The following MSRA variants were observed in gnomAD, a reference collection of about 807,000 sequenced individuals.
MSRA encodes methionine sulfoxide reductase A.
In MSRA, 54 loss-of-function variants were observed where a neutral mutation model predicts 31.3. The ratio of observed to expected loss-of-function variants is 1.73; its 90% CI spans 1.39 to 2.17. The LOEUF (loss-of-function observed/expected upper bound fraction) is 2.17. Ranked by LOEUF, MSRA falls within the 30% of genes most tolerant of loss-of-function variation. The pLI is 0.00. For synonymous variants in MSRA, 169 were observed against 116.5 expected (o/e 1.45, Z -2.90); for missense variants, 507 against 300.9 (o/e 1.69, Z -5.07).
At chr8:10,395,176 C>T (rs1262262823) in intron 5 of MSRA, among the ~76,000 whole-genome samples, 3 of 152,126 alleles carry the variant, frequency 2.0e-5, no homozygotes, top group African/African-American at 7.2e-5. Flanking sequence ...GAAGACTTTG[C>T]AGAGCATGGT....
chr8:10,343,901 A>G (rs913655948), intron 5 of MSRA, among the ~76,000 whole-genome samples: 1 of 152,196 alleles, frequency 6.6e-6, no homozygotes, highest in Non-Finnish European at 1.5e-5. Flanking sequence ...GTTCAGACAT[A>G]TGTGGGTATC....
intron 3 of MSRA, among the ~76,000 whole-genome samples, chr8:10,245,505 A>C (rs549681703): frequency 6.6e-5 from 10 of 152,378 alleles, no homozygotes; most frequent in African/African-American, 2.4e-4. Context: ...GATGATCAGC[A>C]GTTGAGGCTG....
chr8:10,395,986 G>T (rs1052443658), intron 5 of MSRA, among the ~76,000 whole-genome samples: 1 of 152,144 alleles, frequency 6.6e-6, no homozygotes, highest in Middle Eastern at 3.2e-3. Flanking sequence ...GCAGTCTCTT[G>T]TCTAACACTT....
intron 5 of MSRA, among the ~76,000 whole-genome samples, chr8:10,363,209 G>C (rs1804955612): frequency 6.6e-6 from 1 of 152,156 alleles, no homozygotes; most frequent in Non-Finnish European, 1.5e-5. Context: ...TTTCCAGCTG[G>C]GAGAGCGATC....
intron 1 of MSRA, among the ~76,000 whole-genome samples, chr8:10,206,004 G>A (rs1466683137): frequency 6.6e-6 from 1 of 152,172 alleles, no homozygotes; most frequent in Non-Finnish European, 1.5e-5. Context: ...GTTATTACAG[G>A]TAATACTTTC....
intron 4 of MSRA, among the ~76,000 whole-genome samples, chr8:10,311,339 A>T (rs192326981): frequency 6.0e-4 from 92 of 152,344 alleles, no homozygotes; most frequent in Admixed American, 9.8e-4. Context: ...AGGATTAGAT[A>T]TATCTTTATT....
At chr8:10,123,407 TTAGATAC>T (rs1801268403) in intron 1 of MSRA, among the ~76,000 whole-genome samples, 1 of 152,204 alleles carries the variant, frequency 6.6e-6, no homozygotes, top group Admixed American at 6.5e-5. Flanking sequence ...GAGTTTCTTA[TTAGATAC>T]TAGACCTTTG....
At chr8:10,250,598 C>A in intron 3 of MSRA, 2 of 635,344 alleles carry the variant, frequency 3.1e-6, no homozygotes, top group Non-Finnish European at 5.7e-6. Context: ...CAGAATACTC[C>A]GGTGGATTTT....
At chr8:10,364,651 CT>C (rs1805053333) in intron 5 of MSRA, among the ~76,000 whole-genome samples, 1 of 152,170 alleles carries the variant, frequency 6.6e-6, no homozygotes, top group African/African-American at 2.4e-5. Flanking sequence ...TGTGAGTGAC[CT>C]TCTTGAAAAG....
chr8:10,238,233 C>G (rs975136429), intron 2 of MSRA, among the ~76,000 whole-genome samples: 2 of 152,220 alleles, frequency 1.3e-5, no homozygotes, highest in African/African-American at 4.8e-5. Flanking sequence ...GTGAGTGCCT[C>G]ACTGCCTCCA....
At chr8:10,210,833 A>G (rs1435020620) in intron 2 of MSRA, among the ~76,000 whole-genome samples, 2 of 151,574 alleles carry the variant, frequency 1.3e-5, no homozygotes, top group African/African-American at 4.9e-5. Flanking sequence ...TCCCGAGTTC[A>G]AGCGATTCTC....
intron 1 of MSRA, among the ~76,000 whole-genome samples, chr8:10,199,002 G>A (rs1399431128): frequency 6.6e-6 from 1 of 152,172 alleles, no homozygotes; most frequent in Non-Finnish European, 1.5e-5. Context: ...ATCAAAGCTA[G>A]TCTCTCTTTT....
chr8:10,088,299 A>G (rs2128926072), intron 1 of MSRA, among the ~76,000 whole-genome samples: 1 of 152,314 alleles, frequency 6.6e-6, no homozygotes, highest in Non-Finnish European at 1.5e-5. Context: ...TTAAAAATGG[A>G]ACTTCCATAT....
intron 1 of MSRA, among the ~76,000 whole-genome samples, chr8:10,163,377 T>C (rs1210291678): frequency 6.6e-6 from 1 of 152,182 alleles, no homozygotes; most frequent in African/African-American, 2.4e-5. Flanking sequence ...GCACCCACCT[T>C]ATGGGCTGCT....
At chr8:10,135,935 A>G (rs751918766) in intron 1 of MSRA, among the ~76,000 whole-genome samples, 2 of 152,134 alleles carry the variant, frequency 1.3e-5, no homozygotes, top group Non-Finnish European at 2.9e-5. Context: ...AGAACTGAAG[A>G]TCCAGAAGGA....
chr8:10,390,989 A>AC (rs1274878010), intron 5 of MSRA, among the ~76,000 whole-genome samples: 2 of 151,496 alleles, frequency 1.3e-5, no homozygotes, highest in African/African-American at 2.4e-5. Context: ...GAAAAAAAAA[A>AC]AAAACAGCAC....
intron 1 of MSRA, among the ~76,000 whole-genome samples, chr8:10,107,081 C>T (rs1799936810): frequency 6.6e-6 from 1 of 152,100 alleles, no homozygotes; most frequent in Admixed American, 6.5e-5. Flanking sequence ...CTGCCATCAC[C>T]CAGCTGATGA....
intron 3 of MSRA, among the ~76,000 whole-genome samples, chr8:10,254,906 A>G (rs1158725396): frequency 1.3e-5 from 2 of 152,282 alleles, no homozygotes; most frequent in African/African-American, 2.4e-5. Flanking sequence ...TGTGATCTAC[A>G]GAAACACGGG....
rs187233964 is a variant in MSRA at position 10,357,725 on chromosome 8, T to G, written c.543+37736T>G. Among the ~76,000 whole-genome samples, 452 of 152,354 alleles carry G rather than the reference T, an allele frequency of 3.0e-3. 3 individuals carry two copies. The highest frequency in any genetic ancestry group is 0.01 in the African/African-American group (426 of 41,588). ...CCAGCTGGGGCAGCATGGATGCTTA[T>G]TGCTATTGGTTTGGTCATTATTTCT... is the stretch of plus-strand genomic sequence containing the variant. On this transcript the variant is annotated intron_variant, in intron 5 of 5. Transcript: ENST00000317173.
Sources: allele counts gnomAD v4.1 joint callset (sites outside exome capture counted in the v4.1 genomes callset), GRCh38; gene constraint gnomAD v4.1.1; transcripts MANE v1.5; gene names NCBI Gene and HGNC (gene_info 2026-07-23, HGNC 2026-07-21).